The following BLM variants were observed in gnomAD, a reference collection of about 807,000 sequenced individuals.
BLM encodes the protein BLM RecQ like helicase.
Under a neutral mutation model 135.3 loss-of-function variants are expected in BLM, and 95 were observed. The observed-to-expected ratio is 0.70, with a 90% CI of 0.59 to 0.83. The LOEUF (loss-of-function observed/expected upper bound fraction) is 0.83, where lower values mean the gene tolerates loss of function less well. BLM is among the 40% of genes least tolerant of loss of function. The probability of loss-of-function intolerance (pLI) is 0.00; values close to 1 mark genes in which losing one functional copy is unlikely to be tolerated. For synonymous variants in BLM, 520 were observed against 589.2 expected (o/e 0.88, Z 1.70); for missense variants, 1,518 against 1,663.9 (o/e 0.91, Z 1.53).
intron 1 of BLM, among the ~76,000 whole-genome samples, chr15:90,724,591 A>G (rs2151128070): frequency 6.6e-6 from 1 of 152,288 alleles, no homozygotes; most frequent in African/African-American, 2.4e-5. Flanking sequence ...TCAGACTACA[A>G]GCACAAGTGG....
At chr15:90,808,197 C>G (rs1317065603) in intron 19 of BLM, among the ~76,000 whole-genome samples, 1 of 152,220 alleles carries the variant, frequency 6.6e-6, no homozygotes, top group East Asian at 1.9e-4. Flanking sequence ...CTTCCTGCCT[C>G]TCCTACTTTA....
intron 19 of BLM, chr15:90,808,766 G>A (rs567432018): frequency 6.4e-5 from 22 of 342,232 alleles, no homozygotes; most frequent in Non-Finnish European, 9.5e-5. Flanking sequence ...GAAATGCAGC[G>A]TTCTCAGTAA....
chr15:90,773,694 C>T (rs2151170508), intron 12 of BLM, among the ~76,000 whole-genome samples: 1 of 152,094 alleles, frequency 6.6e-6, no homozygotes, highest in African/African-American at 2.4e-5. Context: ...TAGGTTTGCG[C>T]CTATTCTGGA....
intron 1 of BLM, among the ~76,000 whole-genome samples, chr15:90,718,123 A>C (rs1242109042): frequency 6.6e-6 from 1 of 152,200 alleles, no homozygotes; most frequent in African/African-American, 2.4e-5. Context: ...AAACGACTTA[A>C]TATATGCAAT....
intron 1 of BLM, among the ~76,000 whole-genome samples, chr15:90,726,790 C>A (rs1463784058): frequency 6.6e-6 from 1 of 152,058 alleles, no homozygotes; most frequent in Non-Finnish European, 1.5e-5. Flanking sequence ...GAATAGTATT[C>A]TGTTGTATAA....
intron 9 of BLM, among the ~76,000 whole-genome samples, chr15:90,766,419 C>CT (rs953146580): frequency 2.0e-5 from 3 of 151,638 alleles, no homozygotes; most frequent in African/African-American, 4.8e-5. Flanking sequence ...TTGTGTTATG[C>CT]TTTTTTTTGT....
In BLM at chr15:90,804,182, A is replaced by C. The variant is rs1897232600; in HGVS notation, c.3574A>C (p.Thr1192Pro). Residue 1192 changes from threonine to proline, a missense_variant, in exon 19 of 22, where the codon ACA (threonine) becomes CCA (proline). Coordinates refer to ENST00000355112, the MANE Select transcript of BLM (RefSeq NM_000057.4). ...NGNLKVDFME[T>P]ENSSSVKKQK... ...TCTCATAAAGGTAGACTTTATGGAAACAGAAAATTCCAGCAGTGTGAAAAA... is the reference window on the plus strand; with the variant it reads ...TCTCATAAAGGTAGACTTTATGGAACCAGAAAATTCCAGCAGTGTGAAAAA... 6.2e-7 allele frequency: 1 copy of C among 1,614,022 alleles called. No individual in the cohort carries two copies. Among genetic ancestry groups the C allele is most frequent in the Non-Finnish European group, 8.5e-7 (1 of 1,179,886 alleles).
rs569086568 is a variant in BLM at position 90,749,840 on chromosome 15, G to T, written c.572G>T (p.Arg191Ile). ...STAQKSKKGK[R>I]NFFKAQLYTT... is the part of the protein sequence containing the mutation. Reference sequence around the variant, plus strand: ...GCTCAGAAATCAAAAAAGGGTAAGAGAAACTTTTTTAAAGCACAGCTTTAT... The same window carrying T: ...GCTCAGAAATCAAAAAAGGGTAAGATAAACTTTTTTAAAGCACAGCTTTAT... The change falls in exon 3 of 22, where the codon AGA becomes ATA. Residue 191 changes from arginine (R) to isoleucine (I), a missense_variant. By Grantham distance (97) the Arg-to-Ile change is moderately conservative (BLOSUM62 -3). This residue lies in a region of BLM where 724 missense variants were observed against 756.9 expected (regional missense o/e 0.96). Transcript: ENST00000355112. 4.4e-6 allele frequency: 7 copies of T among 1,593,572 alleles called. No homozygotes were observed. Among genetic ancestry groups the T allele is most frequent in the Admixed American group, 3.6e-5 (2 of 56,036 alleles).
At chr15:90,734,677 A>ACG (rs1201580785) in intron 1 of BLM, among the ~76,000 whole-genome samples, 1 of 124,076 alleles carries the variant, frequency 8.1e-6, no homozygotes, top group African/African-American at 3.3e-5. Flanking sequence ...GCACGCACGC[A>ACG]CACACACACA....
At chr15:90,813,543 G>A (rs555112870) in intron 21 of BLM, among the ~76,000 whole-genome samples, 1 of 152,230 alleles carries the variant, frequency 6.6e-6, no homozygotes, top group East Asian at 1.9e-4. Flanking sequence ...ATGGGTGCAC[G>A]CCACCACGCT....
intron 1 of BLM, among the ~76,000 whole-genome samples, chr15:90,723,570 T>G (rs990755601): frequency 3.3e-5 from 5 of 152,096 alleles, no homozygotes; most frequent in African/African-American, 1.2e-4. Flanking sequence ...GGAGGATCAC[T>G]TGAGCTTAGG....
At chr15:90,734,675 G>GCA (rs34292947) in intron 1 of BLM, among the ~76,000 whole-genome samples, 9,418 of 134,046 alleles carry the variant, frequency 0.07, 828 homozygotes, top group African/African-American at 0.22. Flanking sequence ...GCGCACGCAC[G>GCA]CACACACACA....
chr15:90,719,450 A>T (rs567721495), intron 1 of BLM, among the ~76,000 whole-genome samples: 6 of 152,134 alleles, frequency 3.9e-5, no homozygotes, highest in African/African-American at 1.4e-4. Context: ...GTAAATACAA[A>T]ATTATCTGGG....
At chr15:90,738,578 A>AC (rs1225677843) in intron 1 of BLM, among the ~76,000 whole-genome samples, 2 of 148,922 alleles carry the variant, frequency 1.3e-5, no homozygotes, top group African/African-American at 5.1e-5. Context: ...ACAAAACAAA[A>AC]CAAAACAAAA....
intron 5 of BLM, among the ~76,000 whole-genome samples, chr15:90,756,057 T>A (rs1306516011): frequency 6.6e-6 from 1 of 152,204 alleles, no homozygotes; most frequent in Non-Finnish European, 1.5e-5. Flanking sequence ...CTTACAATAT[T>A]AACTAATTCA....
At chr15:90,802,451 A>C (rs992954903) in intron 17 of BLM, among the ~76,000 whole-genome samples, 3 of 152,234 alleles carry the variant, frequency 2.0e-5, no homozygotes, top group Non-Finnish European at 4.4e-5. Context: ...AGTAAGAGAA[A>C]GAGGGAAGTG....
At chr15:90,795,527 G>A (rs1439684671) in intron 16 of BLM, among the ~76,000 whole-genome samples, 2 of 151,864 alleles carry the variant, frequency 1.3e-5, no homozygotes, top group Non-Finnish European at 2.9e-5. Context: ...AAAAAATACA[G>A]AGCACAGGGC....
At chr15:90,783,751 C>G (rs1196358899) in intron 13 of BLM, among the ~76,000 whole-genome samples, 1 of 152,072 alleles carries the variant, frequency 6.6e-6, no homozygotes. Context: ...ATTATCCAGA[C>G]GTGGTGGCAC....
chr15:90,786,541 C>T lies in BLM; in HGVS notation c.2823+1460C>T, dbSNP rs77886094. ...GTCTTCACCAATATTTTTTATTGTC[C>T]AGCTTTTTTAATGTATTCATCCTTG... On this transcript the variant is annotated intron_variant, in intron 14 of 21. Transcript: ENST00000355112. 2.7e-3 allele frequency among the ~76,000 whole-genome samples: 408 copies of T among 152,234 alleles called. 1 individual carries two copies. Among genetic ancestry groups the T allele is most frequent in the African/African-American group, 8.9e-3 (368 of 41,544 alleles).
Sources: gnomAD v4.1 joint callset for allele counts (sites outside exome capture counted in the v4.1 genomes callset) on GRCh38, gnomAD v4.1.1 for gene constraint, gnomAD v4.1.1 regional missense constraint, MANE v1.5 for transcripts, NCBI Gene and HGNC (gene_info 2026-07-23, HGNC 2026-07-21) for gene names.